EVA1C: variants seen among roughly 807,000 people sequenced by gnomAD.
EVA1C encodes the protein protein eva-1 homolog C.
In EVA1C, 25 loss-of-function variants were observed where a neutral mutation model predicts 45.4. The observed-to-expected ratio is 0.55, with a 90% CI of 0.40 to 0.77. The LOEUF (loss-of-function observed/expected upper bound fraction) is 0.77, where lower values mean the gene tolerates loss of function less well. Ranked by LOEUF, EVA1C falls within the 30% of genes least tolerant of loss-of-function variation. EVA1C has a pLI of 0.00. For missense variants in EVA1C, 479 were observed against 554.8 expected, an observed-to-expected ratio of 0.86 and a Z score of 1.37; for synonymous variants, 190 against 221.2, an observed-to-expected ratio of 0.86 and a Z score of 1.25.
chr21:32,481,893 C>T (rs145926226), intron 4 of EVA1C, among the ~76,000 whole-genome samples: 4 of 152,210 alleles, frequency 2.6e-5, no homozygotes, highest in Admixed American at 6.5e-5. Flanking sequence ...GTTCATACCA[C>T]GCTGTACCAT....
intron 7 of EVA1C, among the ~76,000 whole-genome samples, chr21:32,511,419 C>CAAAAAAAAAA (rs749141703): frequency 1.3e-4 from 6 of 47,574 alleles, no homozygotes; most frequent in African/African-American, 1.7e-4. Context: ...AACTCCGTCT[C>CAAAAAAAAAA]AAAAAAAAAA....
chr21:32,504,824 G>A (rs1445930570), intron 7 of EVA1C, among the ~76,000 whole-genome samples: 1 of 152,084 alleles, frequency 6.6e-6, no homozygotes, highest in African/African-American at 2.4e-5. Flanking sequence ...GTATTTGTCT[G>A]TTCTCATGCT....
rs539973411 is a variant in EVA1C at position 32,459,798 on chromosome 21, G to A, written c.481+2078G>A. 7.5e-5 allele frequency among the ~76,000 whole-genome samples: 10 copies of A among 133,264 alleles called. No individual in the cohort carries two copies. The East Asian group carries it at 2.6e-3, about 34-fold the overall frequency. 87.4% of individuals were successfully genotyped at this position (133,264 alleles called of 152,430 possible). A position where few individuals can be genotyped will look rare whatever the true frequency, so the allele number is the denominator to read the frequency against. ...AGAGGTTGCGGTGAGCCGAGATCGC[G>A]CCATTGCACTCCAGCCTGGGTGACA... On this transcript the variant is annotated intron_variant, in intron 3 of 7. Transcript: ENST00000300255.
At chr21:32,501,671 C>G in intron 6 of EVA1C, 176 bp downstream of exon 6, 1 of 663,942 alleles carries the variant, frequency 1.5e-6, no homozygotes, top group Non-Finnish European at 2.3e-6. Context: ...AAATGGTGAA[C>G]ACCATTTTAT....
chr21:32,456,667 A>G (rs189711687), intron 2 of EVA1C, among the ~76,000 whole-genome samples: 333 of 152,320 alleles, frequency 2.2e-3, no homozygotes, highest in African/African-American at 7.4e-3. Context: ...GACCTAAAGT[A>G]ATAAGCAGAT....
At chr21:32,440,275 G>A (rs9980809) in intron 1 of EVA1C, among the ~76,000 whole-genome samples, 3,794 of 152,292 alleles carry the variant, frequency 0.025, 155 homozygotes, top group African/African-American at 0.076. Context: ...TGGCTTCATC[G>A]CCAAGTGGCT....
At chr21:32,496,763 GA>G (rs1183245684) in intron 5 of EVA1C, 1 of 665,318 alleles carries the variant, frequency 1.5e-6, no homozygotes, top group African/African-American at 1.8e-5. Flanking sequence ...CGGGGACCGG[GA>G]AAGCTGAGAC....
At chr21:32,433,988 A>G (rs910704182) in intron 1 of EVA1C, among the ~76,000 whole-genome samples, 2 of 151,970 alleles carry the variant, frequency 1.3e-5, no homozygotes, top group Admixed American at 6.6e-5. Context: ...CAAGACCCCC[A>G]TCTCTGTTAA....
rs148235216 is a variant in EVA1C, at chr21:32,508,290, C to T, written c.949+4275C>T. Reference sequence around the variant, plus strand: ...CTAATATTTCCGTCACTGCCCCTGCCCCCTTGGGACAGTGACAGATATGTC... The same window carrying T: ...CTAATATTTCCGTCACTGCCCCTGCTCCCTTGGGACAGTGACAGATATGTC... On this transcript the variant is annotated intron_variant, in intron 7 of 7. Coordinates refer to ENST00000300255, the MANE Select transcript of EVA1C (RefSeq NM_058187.5). Among the ~76,000 whole-genome samples, 366 of 152,318 alleles carry T rather than the reference C, an allele frequency of 2.4e-3. 2 individuals carry two copies. The highest frequency in any genetic ancestry group is 8.4e-3 in the African/African-American group (349 of 41,570).
intron 7 of EVA1C, among the ~76,000 whole-genome samples, chr21:32,506,693 G>A (rs1355761928): frequency 2.0e-5 from 3 of 152,076 alleles, no homozygotes; most frequent in African/African-American, 7.2e-5. Context: ...CATGCTCAGG[G>A]GTCTGCAGGC....
At chr21:32,473,410 G>C (rs1246985245) in intron 4 of EVA1C, among the ~76,000 whole-genome samples, 3 of 152,202 alleles carry the variant, frequency 2.0e-5, no homozygotes, top group African/African-American at 7.2e-5. Context: ...GTTCTCCCCA[G>C]AGAATCATCA....
intron 3 of EVA1C, among the ~76,000 whole-genome samples, chr21:32,458,453 GT>G (rs774742952): frequency 1.3e-5 from 2 of 149,016 alleles, no homozygotes; most frequent in Admixed American, 6.7e-5. Context: ...ATAGCAGTGT[GT>G]TTAACCAAAA....
chr21:32,482,260 A>G (rs1212887649), intron 4 of EVA1C, among the ~76,000 whole-genome samples: 1 of 152,236 alleles, frequency 6.6e-6, no homozygotes, highest in Non-Finnish European at 1.5e-5. Context: ...GCTTAGAGAC[A>G]GCTGAGGAGA....
chr21:32,427,396 T>A (rs954327455), intron 1 of EVA1C, among the ~76,000 whole-genome samples: 5 of 152,190 alleles, frequency 3.3e-5, no homozygotes, highest in Non-Finnish European at 7.3e-5. Context: ...AATGGAGTAT[T>A]TACCGCTGGG....
At chr21:32,476,786 C>T (rs936423154) in intron 4 of EVA1C, among the ~76,000 whole-genome samples, 1 of 152,278 alleles carries the variant, frequency 6.6e-6, no homozygotes, top group Admixed American at 6.5e-5. Context: ...CCAGTACTCC[C>T]GTATCCTGCA....
At chr21:32,430,455 G>C (rs945671538) in intron 1 of EVA1C, among the ~76,000 whole-genome samples, 1 of 151,974 alleles carries the variant, frequency 6.6e-6, no homozygotes, top group Non-Finnish European at 1.5e-5. Flanking sequence ...ACTCCATTTT[G>C]GGGTCCGGGG....
In EVA1C at chr21:32,501,982, T is replaced by C. The variant is rs543659380; in HGVS notation, c.859+487T>C. 5.0e-5 allele frequency among the ~76,000 whole-genome samples: 7 copies of C among 138,892 alleles called. No homozygotes were observed. The South Asian group carries it at 1.9e-3, about 37-fold the overall frequency. The allele number at this position is 138,892 out of a possible 152,430, so 91.1% of individuals were successfully genotyped here. On this transcript the variant is annotated intron_variant, in intron 6 of 7. Coordinates refer to ENST00000300255, the MANE Select transcript of EVA1C (RefSeq NM_058187.5). ...CTCTCCCTCCCTCTCTCTCTCTCGC[T>C]CTTTTCTTTCTTTCTTTCTTTCTTT...
intron 4 of EVA1C, among the ~76,000 whole-genome samples, chr21:32,476,637 G>A (rs1243372586): frequency 1.3e-5 from 2 of 151,898 alleles, no homozygotes; most frequent in African/African-American, 2.4e-5. Context: ...GTGAAACTCC[G>A]TCTCAAAATA....
chr21:32,482,583 T>C (rs1324519528), intron 4 of EVA1C, among the ~76,000 whole-genome samples: 1 of 152,194 alleles, frequency 6.6e-6, no homozygotes, highest in Non-Finnish European at 1.5e-5. Context: ...ATGTTGGTGC[T>C]CTTGCAGAAG....
Sources: gnomAD v4.1 joint callset for allele counts (sites outside exome capture counted in the v4.1 genomes callset) on GRCh38, gnomAD v4.1.1 for gene constraint, MANE v1.5 for transcripts, NCBI Gene and HGNC (gene_info 2026-07-23, HGNC 2026-07-21) for gene names.